Variants in URGCP observed in about 807,000 individuals in gnomAD.
URGCP encodes up-regulator of cell proliferation.
A neutral mutation model predicts 24.6 loss-of-function variants in URGCP; 13 were observed. The ratio of observed to expected loss-of-function variants is 0.53; its 90% CI spans 0.34 to 0.84. The LOEUF (loss-of-function observed/expected upper bound fraction) is 0.84, where lower values mean the gene tolerates loss of function less well. Ranked by LOEUF, URGCP falls within the 40% of genes least tolerant of loss-of-function variation. URGCP has a pLI of 0.01. For missense variants in URGCP, 899 were observed against 1,194.3 expected (o/e 0.75, Z 3.64); for synonymous variants, 444 against 487.2 (o/e 0.91, Z 1.17).
At chr7:43,885,266 A>C (rs2095860445) in intron 3 of URGCP, among the ~76,000 whole-genome samples, 1 of 151,808 alleles carries the variant, frequency 6.6e-6, no homozygotes, top group Admixed American at 6.6e-5. Flanking sequence ...CCTCCCAGCT[A>C]ATTTTTGTAT....
At chr7:43,915,060 C>T (rs1223311883) in intron 1 of URGCP, among the ~76,000 whole-genome samples, 1 of 152,216 alleles carries the variant, frequency 6.6e-6, no homozygotes, top group Non-Finnish European at 1.5e-5. Flanking sequence ...CTCTTCAGCT[C>T]ATGTGTGTTG....
intron 1 of URGCP, among the ~76,000 whole-genome samples, chr7:43,899,621 A>T (rs1184921274): frequency 6.6e-6 from 1 of 152,222 alleles, no homozygotes; most frequent in African/African-American, 2.4e-5. Context: ...TCATGAATAT[A>T]CAGAGAAATC....
chr7:43,902,236 A>G (rs2095892401), intron 1 of URGCP, among the ~76,000 whole-genome samples: 3 of 151,856 alleles, frequency 2.0e-5, no homozygotes, highest in Non-Finnish European at 2.9e-5. Context: ...TCAGGCAAGG[A>G]CTCAGTCCAC....
intron 3 of URGCP, among the ~76,000 whole-genome samples, chr7:43,887,011 A>G (rs1394954537): frequency 6.6e-6 from 1 of 152,086 alleles, no homozygotes; most frequent in Non-Finnish European, 1.5e-5. Flanking sequence ...CCAACATTAC[A>G]TCCCTTTCAC....
chr7:43,898,262 T>A (rs78873942), intron 1 of URGCP, among the ~76,000 whole-genome samples: 1 of 152,132 alleles, frequency 6.6e-6, no homozygotes, highest in Non-Finnish European at 1.5e-5. Flanking sequence ...AAAACTATCA[T>A]AAACAATGAG....
chr7:43,878,138 G>C lies in URGCP; in HGVS notation c.1325C>G (p.Pro442Arg), dbSNP rs754402518. ...RAIVGNVLRA[P>R]CRRVSVEDMA... ...GTCCTCCACAGATACCCGCCTGCAGGGTGCCCGCAGCACATTCCCAACGAT... is the reference window on the plus strand; with the variant it reads ...GTCCTCCACAGATACCCGCCTGCAGCGTGCCCGCAGCACATTCCCAACGAT... Residue 442 changes from proline (P) to arginine (R), a missense_variant, in exon 6 of 6, where the codon CCC (proline) becomes CGC (arginine). By Grantham distance (103) the Pro-to-Arg change is moderately radical (BLOSUM62 -2). Coordinates refer to ENST00000453200, the MANE Select transcript of URGCP (RefSeq NM_001077663.3). This position sits in a 1 kb window ranked among gnomAD's most constrained non-coding sequence, Gnocchi z 5.6. 2.5e-6 allele frequency: 4 copies of C among 1,614,224 alleles called. No homozygotes were observed. Among genetic ancestry groups the C allele is most frequent in the Non-Finnish European group, 3.4e-6 (4 of 1,180,050 alleles).
chr7:43,913,384 T>TA (rs1042276722), intron 1 of URGCP, among the ~76,000 whole-genome samples: 1 of 151,648 alleles, frequency 6.6e-6, no homozygotes, highest in African/African-American at 2.4e-5. Context: ...ATTTTTTTTT[T>TA]TTATTTTTTA....
At chr7:43,919,794 T>C in intron 1 of URGCP, 1 of 1,313,986 alleles carries the variant, frequency 7.6e-7, no homozygotes. Flanking sequence ...GAAGTCTCCT[T>C]ACCTGCCCTT....
intron 1 of URGCP, 174 bp downstream of exon 1, chr7:43,906,388 G>T: frequency 1.4e-6 from 1 of 717,908 alleles, no homozygotes; most frequent in Non-Finnish European, 1.7e-6. Context: ...CGGCCGGTCC[G>T]CCCAAGGTCG....
At chr7:43,918,637 G>C (rs758117284) in intron 1 of URGCP, 1 of 587,724 alleles carries the variant, frequency 1.7e-6, no homozygotes. Context: ...GATATCTGGG[G>C]GGCTGGCACG....
upstream of URGCP, among the ~76,000 whole-genome samples, chr7:43,907,401 G>A (rs968135868): frequency 6.6e-6 from 1 of 152,124 alleles, no homozygotes; most frequent in Non-Finnish European, 1.5e-5. Context: ...GGGAGGCCGA[G>A]GCAGGAGGAT....
intron 3 of URGCP, 73 bp downstream of exon 3, chr7:43,887,342 C>G: frequency 1.9e-6 from 3 of 1,564,140 alleles, no homozygotes; most frequent in South Asian, 2.4e-5. Context: ...GGGGCTGGAA[C>G]CCAGAATCCC....
chr7:43,877,328 A>G lies in URGCP; in HGVS notation c.2135T>C (p.Met712Thr), dbSNP rs992871090. ...CCCTGTGGCAAACCGCAGCCCAAAC[A>G]TGGTGTTGAGGAGTGTGGACTTGCC... ...GTGKSTLLNTMFGLRFATGKS... is the reference protein window; with the variant it reads ...GTGKSTLLNTTFGLRFATGKS... Residue 712 changes from methionine to threonine, a missense_variant, in exon 6 of 6, where the codon ATG becomes ACG. Coordinates refer to ENST00000453200, the MANE Select transcript of URGCP (RefSeq NM_001077663.3). 6.2e-7 allele frequency: 1 copy of G among 1,612,914 alleles called. No individual in the cohort carries two copies.
intron 1 of URGCP, among the ~76,000 whole-genome samples, chr7:43,917,082 A>T (rs920134247): frequency 6.6e-6 from 1 of 152,132 alleles, no homozygotes; most frequent in African/African-American, 2.4e-5. Context: ...CCTAAACCTT[A>T]AACTGGTTGG....
In URGCP at chr7:43,922,620, C is replaced by T. The variant is rs149974813; in HGVS notation, c.-116+3512G>A. 6.5e-3 allele frequency among the ~76,000 whole-genome samples: 984 copies of T among 152,222 alleles called. 9 individuals are homozygous for T. Among genetic ancestry groups the T allele is most frequent in the Admixed American group, 9.5e-3 (145 of 15,286 alleles). On this transcript the variant is annotated intron_variant, in intron 1 of 5. Transcript: ENST00000426198. ...TGTTTCCCAGGCTGGAATGCAGTAG[C>T]GTGAATGGGGCTCACAGCAACCTCA...
chr7:43,906,517 C>T (rs2095903315), intron 1 of URGCP, 45 bp downstream of exon 1: 1 of 1,197,056 alleles, frequency 8.4e-7, no homozygotes, highest in Non-Finnish European at 1.0e-6. Flanking sequence ...GCTCCCGTTC[C>T]TGCCGGCAGC....
chr7:43,915,532 A>G (rs918366447), intron 1 of URGCP, among the ~76,000 whole-genome samples: 1 of 152,170 alleles, frequency 6.6e-6, no homozygotes, highest in Admixed American at 6.5e-5. Context: ...ATGGCTGCAG[A>G]TGCATGCATG....
intron 1 of URGCP, among the ~76,000 whole-genome samples, chr7:43,894,452 A>G (rs1177510288): frequency 6.6e-6 from 1 of 152,154 alleles, no homozygotes; most frequent in East Asian, 1.9e-4. Flanking sequence ...GGGCTCAAGC[A>G]ATCCTCCCAC....
chr7:43,880,762 A>G (rs2095852566), intron 5 of URGCP, among the ~76,000 whole-genome samples: 1 of 152,356 alleles, frequency 6.6e-6, no homozygotes, highest in Non-Finnish European at 1.5e-5. Flanking sequence ...AGTAAATACA[A>G]ATTCCACTGC....
Sources: gnomAD v4.1 joint callset for allele counts (sites outside exome capture counted in the v4.1 genomes callset) on GRCh38, gnomAD v4.1.1 for gene constraint, Gnocchi (gnomAD v3.1) non-coding constraint, MANE v1.5 for transcripts, NCBI Gene and HGNC (gene_info 2026-07-23, HGNC 2026-07-21) for gene names.